Variants in PLXNA1 observed in about 807,000 individuals in gnomAD.
The protein encoded by PLXNA1 is plexin A1.
Under a neutral mutation model 191.7 loss-of-function variants are expected in PLXNA1, and 77 were observed. The observed-to-expected ratio is 0.40, with a 90% CI of 0.33 to 0.49. The LOEUF (loss-of-function observed/expected upper bound fraction) is 0.49, where lower values mean the gene tolerates loss of function less well. Ranked by LOEUF, PLXNA1 falls within the 20% of genes least tolerant of loss-of-function variation. The pLI, the probability that PLXNA1 is intolerant of heterozygous loss-of-function variation, is 0.63. For missense variants in PLXNA1, 2,110 were observed against 2,660.2 expected (o/e 0.79, Z 4.55); for synonymous variants, 1,137 against 1,156.4 (o/e 0.98, Z 0.34).
intron 3 of PLXNA1, among the ~76,000 whole-genome samples, chr3:127,001,421 C>T (rs1161042299): frequency 2.6e-5 from 4 of 152,186 alleles, no homozygotes; most frequent in Admixed American, 6.5e-5. Context: ...GCTGAAGGGG[C>T]TCTGCTACCA....
In PLXNA1 at chr3:127,032,740, G is replaced by A. The variant is rs139982539; in HGVS notation, c.5499G>A (p.Ala1833=). The change falls in exon 31 of 32, where the codon GCG becomes GCA. Residue 1833 remains alanine, a synonymous_variant. Transcript: ENST00000393409. ...MPAISDQDMS[A]YLAEQSRLHL... is the part of the protein sequence containing the mutation. ...CCATCAGCGACCAGGACATGAGTGC[G>A]TATCTGGCTGAGCAGTCCCGCCTGC... 753 of 1,613,398 alleles carry A rather than the reference G, an allele frequency of 4.7e-4. 2 individuals are homozygous for A. The East Asian group carries it at 4.9e-3, about 11-fold the overall frequency.
intron 31 of PLXNA1, among the ~76,000 whole-genome samples, 190 bp downstream of exon 31, chr3:127,033,026 A>G (rs1330629776): frequency 6.6e-6 from 1 of 152,144 alleles, no homozygotes; most frequent in African/African-American, 2.4e-5. Flanking sequence ...CGAGCAGAGA[A>G]GGCCGTGGTG....
chr3:127,007,866 A>G lies in PLXNA1; in HGVS notation c.2065A>G (p.Asn689Asp), dbSNP rs1003059926. 6.2e-7 allele frequency: 1 copy of G among 1,612,464 alleles called. No individual in the cohort carries two copies. Among genetic ancestry groups the G allele is most frequent in the Non-Finnish European group, 8.5e-7 (1 of 1,179,240 alleles). Residue 689 changes from asparagine (N) to aspartate (D), a missense_variant, in exon 9 of 32, where the codon AAC (asparagine) becomes GAC (aspartate). Coordinates refer to ENST00000393409, the MANE Select transcript of PLXNA1 (RefSeq NM_032242.4). ...WCKYRHVCTH[N>D]VADCAFLEGR... Reference sequence around the variant, plus strand: ...CAAATACCGCCACGTGTGCACACACAACGTGGCTGACTGCGCCTTCCTGGA... The same window carrying G: ...CAAATACCGCCACGTGTGCACACACGACGTGGCTGACTGCGCCTTCCTGGA...
In PLXNA1 at chr3:127,029,859, A is replaced by G. The variant is rs1431772972; in HGVS notation, c.4871-15A>G. The G allele has an allele frequency of 2.2e-5, 35 of 1,586,976 alleles. No individual in the cohort carries two copies. Among genetic ancestry groups the G allele is most frequent in the Non-Finnish European group, 3.0e-5 (35 of 1,160,644 alleles). On this transcript the variant is annotated splice_polypyrimidine_tract_variant and intron_variant, in intron 27 of 31. Transcript: ENST00000393409. Reference sequence around the variant, plus strand: ...GGTGCCAGCCAACGCGGGCGCTGACAGCCTGGTGCTGCAGAGAGCATGCTG... The same window carrying G: ...GGTGCCAGCCAACGCGGGCGCTGACGGCCTGGTGCTGCAGAGAGCATGCTG...
intron 20 of PLXNA1, among the ~76,000 whole-genome samples, chr3:127,019,209 G>A (rs1192743637): frequency 6.7e-6 from 1 of 149,728 alleles, no homozygotes; most frequent in Non-Finnish European, 1.5e-5. Context: ...TAGCCATGTG[G>A]TCCAGCATGG....
At chr3:126,998,264 G>T (rs932035872) in intron 3 of PLXNA1, among the ~76,000 whole-genome samples, 1 of 152,206 alleles carries the variant, frequency 6.6e-6, no homozygotes, top group Non-Finnish European at 1.5e-5. Context: ...TGGATGGGGG[G>T]TAGGTGCTGA....
chr3:127,003,228 G>A, intron 3 of PLXNA1, 102 bp from the exon 4 acceptor site: 5 of 1,324,408 alleles, frequency 3.8e-6, no homozygotes, highest in Non-Finnish European at 5.1e-6. Flanking sequence ...GCATGTCTGG[G>A]CAGCTCAGGG....
chr3:127,025,281 A>G (rs1319607860), intron 23 of PLXNA1, among the ~76,000 whole-genome samples: 1 of 152,130 alleles, frequency 6.6e-6, no homozygotes, highest in African/African-American at 2.4e-5. Flanking sequence ...TCCATAAGTT[A>G]TGCCTTTTCC....
rs1255444549 is a variant in PLXNA1, at chr3:126,989,705, A to C, written c.1112A>C (p.Glu371Ala). ...TLRAIKEKIK[E>A]RIQSCYRGEG... Reference sequence around the variant, plus strand: ...AGGGCCATCAAGGAGAAGATTAAGGAGCGCATCCAGTCCTGCTACCGTGGT... The same window carrying C: ...AGGGCCATCAAGGAGAAGATTAAGGCGCGCATCCAGTCCTGCTACCGTGGT... The change falls in exon 2 of 32, where the codon GAG (glutamate) becomes GCG (alanine). Residue 371 changes from glutamate (E) to alanine (A), a missense_variant. Transcript: ENST00000393409. 1.2e-6 allele frequency: 2 copies of C among 1,612,968 alleles called. No individual in the cohort carries two copies. The highest frequency in any genetic ancestry group is 1.7e-6 in the Non-Finnish European group (2 of 1,180,036).
intron 29 of PLXNA1, among the ~76,000 whole-genome samples, chr3:127,031,287 C>A (rs1045609023): frequency 6.6e-6 from 1 of 152,190 alleles, no homozygotes; most frequent in African/African-American, 2.4e-5. Context: ...GTGTGTGTGG[C>A]CCCCACCCCA....
At chr3:126,986,371 C>T (rs749094539) in intron 1 of PLXNA1, among the ~76,000 whole-genome samples, 4 of 152,212 alleles carry the variant, frequency 2.6e-5, no homozygotes, top group Admixed American at 2.0e-4. Flanking sequence ...CTGCTAGGAG[C>T]ACCCTGCAGT....
intron 14 of PLXNA1, 122 bp from the exon 15 acceptor site, chr3:127,015,062 G>A (rs1186505410): frequency 1.3e-5 from 18 of 1,424,432 alleles, no homozygotes; most frequent in East Asian, 6.9e-5. Flanking sequence ...TGCAGCTCCC[G>A]GGCATGCGGG....
At position 127,034,388 on chromosome 3, in the gene PLXNA1, C is replaced by T. The variant is rs943537495; in HGVS notation, c.*371C>T. On this transcript the variant is annotated 3_prime_UTR_variant, in exon 32 of 32. Transcript: ENST00000393409. ...GCCCTCCAGGGGGAGGGGTAGCCAGCTTGGGCTGTCCCCTTGAGACCAGGA... is the reference window on the plus strand; with the variant it reads ...GCCCTCCAGGGGGAGGGGTAGCCAGTTTGGGCTGTCCCCTTGAGACCAGGA... 5.3e-6 allele frequency: 1 copy of T among 187,824 alleles called. No homozygotes were observed. Among genetic ancestry groups the T allele is most frequent in the Non-Finnish European group, 1.1e-5 (1 of 91,336 alleles). 11.6% of individuals were successfully genotyped at this position (187,824 alleles called of 1,614,324 possible).
chr3:127,020,342 G>A lies in PLXNA1; in HGVS notation c.4036G>A (p.Glu1346Lys). The A allele has an allele frequency of 1.2e-6, 2 of 1,612,484 alleles. No homozygotes were observed. Among genetic ancestry groups the A allele is most frequent in the Non-Finnish European group, 1.7e-6 (2 of 1,179,768 alleles). The change falls in exon 21 of 32, where the codon GAG becomes AAG. Residue 1346 changes from glutamate to lysine, a missense_variant and splice_region_variant. Coordinates refer to ENST00000393409, the MANE Select transcript of PLXNA1 (RefSeq NM_032242.4). Reference protein sequence around the residue: ...IEDHPVLKEMEVQANVEKSLT... With the variant: ...IEDHPVLKEMKVQANVEKSLT... ...GGACCACCCTGTGCTCAAGGAGATG[G>A]AGGTAGGACCACTGGCTCCGGGGGG...
chr3:127,016,607 C>T lies in PLXNA1; in HGVS notation c.3105C>T (p.Leu1035=), dbSNP rs1439094014. Residue 1035 remains leucine, a synonymous_variant, in exon 16 of 32, where the codon CTC becomes CTT. Coordinates refer to ENST00000393409, the MANE Select transcript of PLXNA1 (RefSeq NM_032242.4). ...PIIININRAQ[L]TNPEVKYNYT... is the part of the protein sequence containing the mutation. The stretch of plus-strand genomic sequence containing the variant: ...TCATCAACATCAACCGCGCCCAGCT[C>T]ACCAACCCTGAGGTGAAGTACAACT... The T allele has an allele frequency of 4.3e-6, 7 of 1,613,930 alleles. No homozygotes were observed. The highest frequency in any genetic ancestry group is 1.3e-5 in the African/African-American group (1 of 74,934).
At position 127,006,235 on chromosome 3, in the gene PLXNA1, G is replaced by A. The variant is rs112342361; in HGVS notation, c.1997+57G>A. 1,089 of 1,288,776 alleles carry A rather than the reference G, an allele frequency of 8.4e-4. 4 individuals carry two copies. In the African/African-American group the frequency reaches 0.014, roughly 16 times the overall value. 79.8% of individuals were successfully genotyped at this position (1,288,776 alleles called of 1,614,324 possible). On this transcript the variant is annotated intron_variant, in intron 8 of 31. Transcript: ENST00000393409. Reference sequence around the variant, plus strand: ...GGCCTGGGCTACTTGCCCCACTCCCGTCCCTGTGGTCCCACTGTGCTTGCT... The same window carrying A: ...GGCCTGGGCTACTTGCCCCACTCCCATCCCTGTGGTCCCACTGTGCTTGCT...
chr3:127,021,497 A>G (rs11713617), intron 21 of PLXNA1, among the ~76,000 whole-genome samples: 17,125 of 151,844 alleles, frequency 0.11, 1,037 homozygotes, highest in Middle Eastern at 0.23. Context: ...CCTCTACTCC[A>G]CTCCTTTTTC....
chr3:127,003,225 T>C, intron 3 of PLXNA1, 105 bp from the exon 4 acceptor site: 1 of 1,307,822 alleles, frequency 7.6e-7, no homozygotes, highest in South Asian at 1.6e-5. Flanking sequence ...CATGCATGTC[T>C]GGGCAGCTCA....
rs189924150 is a variant in PLXNA1 at position 127,015,291 on chromosome 3, G to A, written c.2985G>A (p.Ser995=). 2.3e-5 allele frequency: 37 copies of A among 1,610,480 alleles called. No individual in the cohort carries two copies. The highest frequency in any genetic ancestry group is 4.5e-5 in the East Asian group (2 of 44,790). Residue 995 remains serine, a synonymous_variant, in exon 15 of 32, where the codon TCG becomes TCA. Transcript: ENST00000393409. The stretch of plus-strand genomic sequence containing the variant: ...ACGCAGGCAGTGATGTGGCTGTGTC[G>A]GTCGGTGGCCGGCCCTGCTCCTTCT... ...HLNAGSDVAV[S]VGGRPCSFSW...
Sources: gnomAD v4.1 joint callset for allele counts (sites outside exome capture counted in the v4.1 genomes callset) on GRCh38, gnomAD v4.1.1 for gene constraint, MANE v1.5 for transcripts, NCBI Gene and HGNC (gene_info 2026-07-23, HGNC 2026-07-21) for gene names.